The following CACNA1E variants were observed in gnomAD, a reference collection of about 807,000 sequenced individuals.
CACNA1E encodes calcium voltage-gated channel subunit alpha1 E, also known as voltage-dependent R-type calcium channel subunit alpha-1E.
A neutral mutation model predicts 259.2 loss-of-function variants in CACNA1E; 40 were observed. The ratio of observed to expected loss-of-function variants is 0.15; its 90% CI spans 0.12 to 0.20. The LOEUF is 0.20. CACNA1E is among the 10% of genes least tolerant of loss of function. The pLI is 1.00. For synonymous variants in CACNA1E, 1,104 were observed against 1,138.5 expected (o/e 0.97, Z 0.61); for missense variants, 1,874 against 3,040.1 (o/e 0.62, Z 9.02).
At chr1:181,596,557 C>CGTGGGTGTGT (rs1653185705) in intron 6 of CACNA1E, among the ~76,000 whole-genome samples, 1 of 140,490 alleles carries the variant, frequency 7.1e-6, no homozygotes. Flanking sequence ...CCACCATGTA[C>CGTGGGTGTGT]GTGTGTGTGT....
At chr1:181,478,292 T>C (rs1000757674) in intron 2 of CACNA1E, among the ~76,000 whole-genome samples, 1 of 152,128 alleles carries the variant, frequency 6.6e-6, no homozygotes, top group Non-Finnish European at 1.5e-5. Context: ...CATGTTGGAG[T>C]GTGGGGCTTC....
intron 3 of CACNA1E, among the ~76,000 whole-genome samples, chr1:181,530,216 A>C (rs986746422): frequency 2.3e-4 from 35 of 152,122 alleles, no homozygotes; most frequent in African/African-American, 8.4e-4. Flanking sequence ...TGCCGCCGCC[A>C]TGTTAAGAAG....
rs577444290 is a variant in CACNA1E, at chr1:181,495,392, G to A, written c.266+11382G>A. On this transcript the variant is annotated intron_variant, in intron 1 of 47. Coordinates refer to ENST00000367573, the MANE Select transcript of CACNA1E (RefSeq NM_001205293.3). ...TTGCAGTGCCTTGGATTTTTCAAAT[G>A]TAAAACAGAGATAGTAATTTGCTTC... 2.1e-4 allele frequency among the ~76,000 whole-genome samples: 32 copies of A among 152,340 alleles called. 1 individual carries two copies. The South Asian group carries it at 3.7e-3, about 18-fold the overall frequency.
At position 181,807,111 on chromosome 1, in the gene CACNA1E, A is replaced by G. The variant is rs1472746286; in HGVS notation, c.*8277A>G. 6.7e-6 allele frequency: 1 copy of G among 149,840 alleles called. No individual in the cohort carries two copies. Among genetic ancestry groups the G allele is most frequent in the South Asian group, 2.1e-4 (1 of 4,652 alleles). 9.3% of individuals were successfully genotyped at this position (149,840 alleles called of 1,614,324 possible). On this transcript the variant is annotated 3_prime_UTR_variant, in exon 48 of 48. Coordinates refer to ENST00000367573, the MANE Select transcript of CACNA1E (RefSeq NM_001205293.3). ...AATTCAAGACTGGCCTGGATGACAG[A>G]GTGAAACCCTCATCTCTTAAAAAAA... is the stretch of plus-strand genomic sequence containing the variant.
chr1:181,466,804 G>A (rs1662186819), intron 2 of CACNA1E, among the ~76,000 whole-genome samples: 1 of 152,096 alleles, frequency 6.6e-6, no homozygotes, highest in African/African-American at 2.4e-5. Context: ...CTAGAAATGT[G>A]TAGCAAGAGA....
At chr1:181,748,382 G>T (rs535011955) in intron 25 of CACNA1E, among the ~76,000 whole-genome samples, 1 of 152,200 alleles carries the variant, frequency 6.6e-6, no homozygotes, top group Admixed American at 6.5e-5. Flanking sequence ...ATTCTGGGGG[G>T]AAATTAATTC....
At position 181,733,618 on chromosome 1, in the gene CACNA1E, C is replaced by T. The variant is rs377401371; in HGVS notation, c.3130C>T (p.Arg1044Trp). 7.4e-5 allele frequency: 120 copies of T among 1,612,752 alleles called. No homozygotes were observed. The highest frequency in any genetic ancestry group is 8.6e-5 in the Non-Finnish European group (102 of 1,179,454). Residue 1044 changes from arginine (R) to tryptophan (W), a missense_variant, in exon 21 of 48, where the codon CGG becomes TGG. Physicochemically the swap from Arg to Trp is moderately radical, Grantham distance 101. This residue lies in a region of CACNA1E where 476 missense variants were observed against 514.0 expected (regional missense o/e 0.93). Transcript: ENST00000367573. ...GGGGAATGTGCAGCTAGACATGGGC[C>T]GGGTCATCAGCCAGAGCGAGCCTGA... Reference protein sequence around the residue: ...LLGNVQLDMGRVISQSEPDLS... With the variant: ...LLGNVQLDMGWVISQSEPDLS...
chr1:181,634,086 T>C (rs569203613), intron 6 of CACNA1E, among the ~76,000 whole-genome samples: 2 of 152,296 alleles, frequency 1.3e-5, no homozygotes, highest in African/African-American at 4.8e-5. Context: ...TCATGCCCTT[T>C]GTTGTGGGTC....
chr1:181,608,808 C>G (rs1054973967), intron 6 of CACNA1E, among the ~76,000 whole-genome samples: 3 of 152,212 alleles, frequency 2.0e-5, no homozygotes, highest in African/African-American at 7.2e-5. Flanking sequence ...CTGCTACTGT[C>G]ACTGCTGCCT....
At chr1:181,520,098 C>T (rs539815841) in intron 3 of CACNA1E, among the ~76,000 whole-genome samples, 18 of 152,150 alleles carry the variant, frequency 1.2e-4, no homozygotes, top group Non-Finnish European at 1.9e-4. Flanking sequence ...ATTTTAAATG[C>T]AGAAGGCTTC....
At chr1:181,613,396 TATATA>T (rs1654928549) in intron 6 of CACNA1E, among the ~76,000 whole-genome samples, 1 of 152,212 alleles carries the variant, frequency 6.6e-6, no homozygotes, top group Non-Finnish European at 1.5e-5. Context: ...ATACATATTT[TATATA>T]ATATATGTGT....
Position 181,776,004 on chromosome 1 carries a change from C to T in CACNA1E, c.5140-97C>T. On this transcript the variant is annotated intron_variant, in intron 37 of 47. Coordinates refer to ENST00000367573, the MANE Select transcript of CACNA1E (RefSeq NM_001205293.3). This position sits in a 1 kb window ranked among gnomAD's most constrained non-coding sequence, Gnocchi z 4.4. ...GCATACCTCTGTTCTGGCTCGTTTG[C>T]TAAAACACCCTCCTCCATGCCCTGA... 1 of 1,207,628 alleles carries T rather than the reference C, an allele frequency of 8.3e-7. No individual in the cohort carries two copies. Among genetic ancestry groups the T allele is most frequent in the Non-Finnish European group, 1.2e-6 (1 of 846,474 alleles). 74.8% of individuals were successfully genotyped at this position (1,207,628 alleles called of 1,614,324 possible).
chr1:181,347,836 G>GTAA (rs1652723443), intron 1 of CACNA1E, among the ~76,000 whole-genome samples: 1 of 152,248 alleles, frequency 6.6e-6, no homozygotes. Flanking sequence ...GGCTTCTGGT[G>GTAA]AGAAGTGCTC....
At chr1:181,491,157 G>A (rs1054658368) in intron 1 of CACNA1E, among the ~76,000 whole-genome samples, 5 of 152,204 alleles carry the variant, frequency 3.3e-5, no homozygotes, top group African/African-American at 1.2e-4. Context: ...TTCCAGCTGT[G>A]TTCTCCTGGG....
At chr1:181,634,296 G>T (rs1657008641) in intron 6 of CACNA1E, among the ~76,000 whole-genome samples, 1 of 152,140 alleles carries the variant, frequency 6.6e-6, no homozygotes, top group South Asian at 2.1e-4. Context: ...CCCCTCCCTG[G>T]CAAAAGGGTT....
chr1:181,665,086 C>T (rs1416996871), intron 7 of CACNA1E, among the ~76,000 whole-genome samples: 1 of 152,024 alleles, frequency 6.6e-6, no homozygotes, highest in Non-Finnish European at 1.5e-5. Flanking sequence ...CCTTGTAGCT[C>T]CTCAGCCATG....
intron 2 of CACNA1E, among the ~76,000 whole-genome samples, chr1:181,436,746 A>G (rs1293147368): frequency 2.2e-5 from 3 of 136,284 alleles, no homozygotes; most frequent in African/African-American, 2.7e-5. Flanking sequence ...TTCAAAGGGT[A>G]CAACATTTTA....
At chr1:181,686,275 G>GTTTTTTTTTTTTTTTTTTTTTTTTT (rs66526388) in intron 7 of CACNA1E, among the ~76,000 whole-genome samples, 3 of 58,634 alleles carry the variant, frequency 5.1e-5, no homozygotes, top group Non-Finnish European at 6.3e-5. Context: ...TAAGAACCAA[G>GTTTTTTTTTTTTTTTTTTTTTTTTT]TTTTTTTTTT....
intron 1 of CACNA1E, among the ~76,000 whole-genome samples, chr1:181,330,278 C>A (rs1651151847): frequency 6.6e-6 from 1 of 152,172 alleles, no homozygotes; most frequent in African/African-American, 2.4e-5. Flanking sequence ...TTCCTGCTTC[C>A]TCTGGCTTTC....
Sources: allele counts gnomAD v4.1 joint callset (sites outside exome capture counted in the v4.1 genomes callset), GRCh38; gene constraint gnomAD v4.1.1; regional missense constraint gnomAD v4.1.1; non-coding constraint Gnocchi (gnomAD v3.1); transcripts MANE v1.5; gene names NCBI Gene and HGNC (gene_info 2026-07-23, HGNC 2026-07-21).